Variants in LYPD6 observed in about 807,000 individuals in gnomAD.
LYPD6 encodes ly6/PLAUR domain-containing protein 6.
In LYPD6, 15 loss-of-function variants were observed where a neutral mutation model predicts 22.7. The observed-to-expected ratio is 0.66, with a 90% CI of 0.44 to 1.02. The LOEUF (loss-of-function observed/expected upper bound fraction) is 1.02, where lower values mean the gene tolerates loss of function less well. LYPD6 is among the 50% of genes least tolerant of loss of function. The pLI is 0.00. For missense variants in LYPD6, 189 were observed against 208.4 expected (o/e 0.91, Z 0.57); for synonymous variants, 72 against 77.5 (o/e 0.93, Z 0.37).
At chr2:149,385,622 A>G (rs929749155) in intron 1 of LYPD6, among the ~76,000 whole-genome samples, 2 of 152,214 alleles carry the variant, frequency 1.3e-5, no homozygotes, top group South Asian at 2.1e-4. Flanking sequence ...CTGACTTTGT[A>G]TAGATACTGG....
At chr2:149,455,548 A>G (rs1228724771) in intron 3 of LYPD6, among the ~76,000 whole-genome samples, 2 of 152,090 alleles carry the variant, frequency 1.3e-5, no homozygotes, top group Non-Finnish European at 2.9e-5. Context: ...GTGAGCCACC[A>G]CGCCTGGCCT....
intron 1 of LYPD6, among the ~76,000 whole-genome samples, chr2:149,430,534 T>A (rs1353923590): frequency 2.0e-5 from 3 of 152,246 alleles, no homozygotes; most frequent in African/African-American, 7.2e-5. Context: ...TTTTGGAAAC[T>A]GTATTAACTT....
At chr2:149,423,709 A>G (rs375569298) in intron 1 of LYPD6, among the ~76,000 whole-genome samples, 10 of 140,046 alleles carry the variant, frequency 7.1e-5, no homozygotes, top group African/African-American at 2.4e-4. Context: ...TCCCCAAACT[A>G]CTCCTCAGAA....
At chr2:149,462,137 G>GA (rs36082650) in intron 3 of LYPD6, among the ~76,000 whole-genome samples, 89,566 of 151,734 alleles carry the variant, frequency 0.59, 27,983 homozygotes, top group East Asian at 0.85. Flanking sequence ...TTTCTATGTA[G>GA]AAAATTCCAA....
chr2:149,397,517 T>A (rs916632355), intron 1 of LYPD6, among the ~76,000 whole-genome samples: 1 of 152,010 alleles, frequency 6.6e-6, no homozygotes, highest in Non-Finnish European at 1.5e-5. Flanking sequence ...GTTGGAGGAG[T>A]GGCACAAGTA....
chr2:149,480,061 C>T, the LYPD6 span, among the ~76,000 whole-genome samples: 1 of 151,356 alleles, frequency 6.6e-6, no homozygotes, highest in African/African-American at 2.4e-5. Flanking sequence ...GCTCTTGTCA[C>T]CCAGGCTGGA....
intron 1 of LYPD6, among the ~76,000 whole-genome samples, chr2:149,333,841 C>T (rs1436761794): frequency 6.6e-6 from 1 of 152,046 alleles, no homozygotes; most frequent in Non-Finnish European, 1.5e-5. Context: ...CAGATTGCAG[C>T]ATGTAATGAT....
At chr2:149,346,655 A>G (rs1015508351) in intron 1 of LYPD6, among the ~76,000 whole-genome samples, 4 of 152,168 alleles carry the variant, frequency 2.6e-5, no homozygotes, top group Admixed American at 1.3e-4. Flanking sequence ...CTTTCCAGGC[A>G]CTTCTCAGAC....
downstream of LYPD6, among the ~76,000 whole-genome samples, chr2:149,476,943 A>C (rs1293275433): frequency 2.0e-5 from 3 of 152,144 alleles, no homozygotes; most frequent in Non-Finnish European, 2.9e-5. Flanking sequence ...GTGGCGTGTG[A>C]AGACCAGTTG....
chr2:149,363,718 C>G (rs1399192324), intron 1 of LYPD6, among the ~76,000 whole-genome samples: 1 of 152,164 alleles, frequency 6.6e-6, no homozygotes, highest in East Asian at 1.9e-4. Flanking sequence ...TGATAAATCA[C>G]ATGGGAAAGT....
rs1292091260 is a variant in LYPD6 at position 149,332,451 on chromosome 2, AAAAAACC to A, written c.-72+1731_-72+1737del. 5.9e-3 allele frequency among the ~76,000 whole-genome samples: 893 copies of A among 152,340 alleles called. 13 individuals carry two copies. Among genetic ancestry groups the A allele is most frequent in the African/African-American group, 0.02 (827 of 41,572 alleles). On this transcript the variant is annotated intron_variant, in intron 1 of 4. Coordinates refer to ENST00000334166, the MANE Select transcript of LYPD6 (RefSeq NM_194317.5). ...TGATTCTAGGCAAATAATATCAAGTAAAAAACCATACCATGTGTTGTATCATACTGGA... is the reference window on the plus strand; with the variant it reads ...TGATTCTAGGCAAATAATATCAAGTAATACCATGTGTTGTATCATACTGGA...
intron 1 of LYPD6, among the ~76,000 whole-genome samples, chr2:149,386,947 C>CT (rs1340799305): frequency 1.3e-5 from 2 of 152,180 alleles, no homozygotes; most frequent in Non-Finnish European, 1.5e-5. Flanking sequence ...CACACACCAG[C>CT]TATCTTGCTT....
intron 1 of LYPD6, among the ~76,000 whole-genome samples, chr2:149,359,485 A>G (rs940107683): frequency 2.6e-5 from 4 of 152,246 alleles, no homozygotes; most frequent in Non-Finnish European, 4.4e-5. Flanking sequence ...TGTCTCAGAT[A>G]TTAGACACAT....
At chr2:149,345,938 A>G (rs1246481584) in intron 1 of LYPD6, among the ~76,000 whole-genome samples, 3 of 152,090 alleles carry the variant, frequency 2.0e-5, no homozygotes, top group African/African-American at 7.2e-5. Context: ...TTTTGAATTA[A>G]ACTCTTCCAT....
chr2:149,458,179 T>C (rs1026202051), intron 3 of LYPD6, among the ~76,000 whole-genome samples: 2 of 152,164 alleles, frequency 1.3e-5, no homozygotes, highest in Non-Finnish European at 2.9e-5. Flanking sequence ...CTGCTTGGGA[T>C]TGTGTCAGAG....
intron 1 of LYPD6, among the ~76,000 whole-genome samples, chr2:149,418,672 A>G (rs1683016161): frequency 6.6e-6 from 1 of 152,216 alleles, no homozygotes; most frequent in Admixed American, 6.5e-5. Flanking sequence ...GCAGATTCAG[A>G]GAAGGCCTAG....
chr2:149,397,443 C>T (rs1682451750), intron 1 of LYPD6, among the ~76,000 whole-genome samples: 2 of 152,108 alleles, frequency 1.3e-5, no homozygotes, highest in South Asian at 2.1e-4. Context: ...ATGTCTTGGC[C>T]CAGAACTGGT....
chr2:149,469,864 C>T (rs958375091), intron 4 of LYPD6, among the ~76,000 whole-genome samples: 6 of 152,172 alleles, frequency 3.9e-5, no homozygotes, highest in African/African-American at 1.4e-4. Context: ...ATACTGACTT[C>T]CTGGCACGTG....
In LYPD6 at chr2:149,471,983, T is replaced by C. The variant is rs1045053002; in HGVS notation, c.*1133T>C. 2.0e-5 allele frequency: 3 copies of C among 152,628 alleles called. No homozygotes were observed. The highest frequency in any genetic ancestry group is 4.4e-5 in the Non-Finnish European group (3 of 68,030). The allele number at this position is 152,628 out of a possible 1,614,324, so 9.5% of individuals were successfully genotyped here. A position where few individuals can be genotyped will look rare whatever the true frequency, so the allele number is the denominator to read the frequency against. On this transcript the variant is annotated 3_prime_UTR_variant, in exon 5 of 5. Transcript: ENST00000334166. ...TTGCAAGACTAACAAGGAGACTCAA[T>C]GGGAAGTTTTTCTTTCTTTTAGATA...
Sources: gnomAD v4.1 joint callset for allele counts (sites outside exome capture counted in the v4.1 genomes callset) on GRCh38, gnomAD v4.1.1 for gene constraint, MANE v1.5 for transcripts, NCBI Gene and HGNC (gene_info 2026-07-23, HGNC 2026-07-21) for gene names.